The following TRIO variants were observed in gnomAD, a reference collection of about 807,000 sequenced individuals.
TRIO encodes triple functional domain protein.
In TRIO, 58 loss-of-function variants were observed where a neutral mutation model predicts 351.9. The ratio of observed to expected loss-of-function variants is 0.16; its 90% confidence interval spans 0.13 to 0.21. The LOEUF is 0.21. TRIO is among the 10% of genes least tolerant of loss of function. The pLI is 1.00. For missense variants in TRIO, 3,201 were observed against 4,027.8 expected, an observed-to-expected ratio of 0.79 and a Z score of 5.56; for synonymous variants, 1,758 against 1,595.7, an observed-to-expected ratio of 1.10 and a Z score of -2.42.
At chr5:14,190,761 TA>T (rs1308809499) in intron 1 of TRIO, among the ~76,000 whole-genome samples, 1 of 151,332 alleles carries the variant, frequency 6.6e-6, no homozygotes, top group Non-Finnish European at 1.5e-5. Flanking sequence ...CTGACTAAAT[TA>T]AAAAAAAATC....
chr5:14,419,425 A>G (rs1397544095), intron 33 of TRIO, among the ~76,000 whole-genome samples: 1 of 152,224 alleles, frequency 6.6e-6, no homozygotes, highest in Non-Finnish European at 1.5e-5. Context: ...ACACTGGGTC[A>G]GAACAGAAAT....
In TRIO at chr5:14,395,410, G is replaced by C. The variant is rs1415506810; in HGVS notation, c.4311+1280G>C. ...TCAAGATGTAAGGATTTTGTTTTCAGCATGTAGTTCTGCTAAACTGGTGCT... is the reference window on the plus strand; with the variant it reads ...TCAAGATGTAAGGATTTTGTTTTCACCATGTAGTTCTGCTAAACTGGTGCT... On this transcript the variant is annotated intron_variant, in intron 28 of 56. Transcript: ENST00000344204. 2.0e-5 allele frequency among the ~76,000 whole-genome samples: 3 copies of C among 152,204 alleles called. No individual in the cohort carries two copies. In the East Asian group the frequency reaches 5.8e-4, roughly 29 times the overall value.
chr5:14,507,431 G>A (rs1445830275), intron 56 of TRIO, among the ~76,000 whole-genome samples, 171 bp downstream of exon 56: 5 of 152,188 alleles, frequency 3.3e-5, no homozygotes, highest in East Asian at 1.9e-4. Flanking sequence ...AAGCGTTTGC[G>A]TTCAGTGATG....
chr5:14,411,764 C>T (rs1308806264), intron 33 of TRIO, among the ~76,000 whole-genome samples: 1 of 151,958 alleles, frequency 6.6e-6, no homozygotes, highest in Non-Finnish European at 1.5e-5. Flanking sequence ...ACTACTATGC[C>T]TGGCTAGTTT....
At chr5:14,237,032 CTGCT>C (rs1041991025) in intron 1 of TRIO, among the ~76,000 whole-genome samples, 1 of 152,210 alleles carries the variant, frequency 6.6e-6, no homozygotes, top group Non-Finnish European at 1.5e-5. Flanking sequence ...TGGGACCTGC[CTGCT>C]TGTCAGCATT....
chr5:14,190,560 A>C (rs989377591), intron 1 of TRIO, among the ~76,000 whole-genome samples: 2 of 152,090 alleles, frequency 1.3e-5, no homozygotes, highest in African/African-American at 4.8e-5. Flanking sequence ...GTGCCGTGGA[A>C]GCGTCATGCT....
intron 21 of TRIO, among the ~76,000 whole-genome samples, chr5:14,385,858 A>G (rs532779160): frequency 7.2e-5 from 11 of 152,308 alleles, no homozygotes; most frequent in African/African-American, 2.6e-4. Context: ...TTATCTTTTT[A>G]TCTTCACTTC....
At chr5:14,205,733 A>T (rs1554033141) in intron 1 of TRIO, among the ~76,000 whole-genome samples, 2 of 152,178 alleles carry the variant, frequency 1.3e-5, no homozygotes, top group Non-Finnish European at 2.9e-5. Context: ...AATGTTTTTC[A>T]ATTTATTTAT....
chr5:14,217,299 T>C (rs572531651), intron 1 of TRIO, among the ~76,000 whole-genome samples: 1 of 152,280 alleles, frequency 6.6e-6, no homozygotes, highest in Non-Finnish European at 1.5e-5. Flanking sequence ...TCTGTCCTGT[T>C]AAACCATTAC....
At chr5:14,462,969 G>A (rs777317513) in intron 36 of TRIO, 44 bp downstream of exon 36, 1 of 1,516,856 alleles carries the variant, frequency 6.6e-7, no homozygotes, top group Non-Finnish European at 8.8e-7. Context: ...TGCCGTGCAG[G>A]GGCAGGGCAC....
At chr5:14,378,220 G>C in intron 20 of TRIO, 93 bp downstream of exon 20, 1 of 925,254 alleles carries the variant, frequency 1.1e-6, no homozygotes, top group Non-Finnish European at 1.7e-6. Flanking sequence ...CCGCCATCTT[G>C]AAAACCACTT....
chr5:14,305,885 A>G (rs918634829), intron 8 of TRIO, among the ~76,000 whole-genome samples: 2 of 152,206 alleles, frequency 1.3e-5, no homozygotes, highest in Non-Finnish European at 2.9e-5. Flanking sequence ...TACTTTTTCT[A>G]TGTTTAGATA....
chr5:14,223,158 A>G (rs926116268), intron 1 of TRIO, among the ~76,000 whole-genome samples: 2 of 152,182 alleles, frequency 1.3e-5, no homozygotes, highest in Non-Finnish European at 2.9e-5. Context: ...GGGCAGTGGC[A>G]GAGAGTTATG....
intron 21 of TRIO, 200 bp from the exon 22 acceptor site, chr5:14,387,238 G>T: frequency 2.0e-6 from 1 of 495,830 alleles, no homozygotes; most frequent in East Asian, 2.9e-5. Context: ...AATGCCATTC[G>T]TTGTAGCAGA....
rs1347608935 is a variant in TRIO at position 14,405,842 on chromosome 5, G to A, written c.4717-6G>A. 1.9e-6 allele frequency: 3 copies of A among 1,613,520 alleles called. No individual in the cohort carries two copies. Among genetic ancestry groups the A allele is most frequent in the Non-Finnish European group, 2.5e-6 (3 of 1,179,646 alleles). ...GTATCCTAAGCAACGCTAACACCTT[G>A]TTAAGGCTTCCAGCATAGAGAACAA... On this transcript the variant is annotated splice_polypyrimidine_tract_variant and splice_region_variant and intron_variant, in intron 31 of 56. Coordinates refer to ENST00000344204, the MANE Select transcript of TRIO (RefSeq NM_007118.4).
intron 9 of TRIO, among the ~76,000 whole-genome samples, chr5:14,329,919 A>T (rs1266717927): frequency 6.6e-6 from 1 of 152,140 alleles, no homozygotes; most frequent in Non-Finnish European, 1.5e-5. Flanking sequence ...TTCTGCAAAT[A>T]CTGTAGTTTC....
At chr5:14,158,113 G>A (rs1275910080) in intron 1 of TRIO, among the ~76,000 whole-genome samples, 1 of 152,124 alleles carries the variant, frequency 6.6e-6, no homozygotes, top group Non-Finnish European at 1.5e-5. Flanking sequence ...TTTTAATGGA[G>A]AAGGGCTTTT....
In TRIO at chr5:14,487,876, G is replaced by GA; in HGVS notation, c.7249dup (p.Ser2417LysfsTer24). 6.5e-7 allele frequency: 1 copy of GA among 1,539,992 alleles called. No homozygotes were observed. Among genetic ancestry groups the GA allele is most frequent in the Non-Finnish European group, 8.7e-7 (1 of 1,143,044 alleles). ...CGATCCCCAAGATGAAGGTGCTGGA[G>GA]AGCCCCAGGAAAGGCGCCGCGAACG... is the stretch of plus-strand genomic sequence containing the variant. On this transcript the variant is annotated frameshift_variant, in exon 48 of 57. Transcript: ENST00000344204. LOFTEE classifies it high-confidence loss of function.
At chr5:14,430,954 C>T (rs1248065736) in intron 34 of TRIO, among the ~76,000 whole-genome samples, 4 of 152,166 alleles carry the variant, frequency 2.6e-5, no homozygotes, top group African/African-American at 4.8e-5. Context: ...TCAGGTGATC[C>T]GCCTTCCTCG....
Sources: allele counts gnomAD v4.1 joint callset (sites outside exome capture counted in the v4.1 genomes callset), GRCh38; gene constraint gnomAD v4.1.1; transcripts MANE v1.5; gene names NCBI Gene and HGNC (gene_info 2026-07-23, HGNC 2026-07-21).